Variants in PXK observed in about 807,000 individuals in gnomAD.
PXK encodes the protein PX domain containing serine/threonine kinase like.
Under a neutral mutation model 84.7 loss-of-function variants are expected in PXK, and 35 were observed. The observed-to-expected ratio is 0.41, with a 90% CI of 0.32 to 0.55. The LOEUF (loss-of-function observed/expected upper bound fraction) is 0.55, where lower values mean the gene tolerates loss of function less well. Ranked by LOEUF, PXK falls within the 20% of genes least tolerant of loss-of-function variation. PXK has a pLI of 0.21. For missense variants in PXK, 634 were observed against 699.7 expected, an observed-to-expected ratio of 0.91 and a Z score of 1.06; for synonymous variants, 253 against 260.8, an observed-to-expected ratio of 0.97 and a Z score of 0.29.
At position 58,390,238 on chromosome 3, in the gene PXK, A is replaced by G. The variant is rs146998218; in HGVS notation, c.389-344A>G. ...CAATGATAGTACAGAAAATTGCCATATACTTCTCACCCAGTTTCTCCTAAT... is the reference window on the plus strand; with the variant it reads ...CAATGATAGTACAGAAAATTGCCATGTACTTCTCACCCAGTTTCTCCTAAT... On this transcript the variant is annotated intron_variant, in intron 4 of 17. Coordinates refer to ENST00000356151, the MANE Select transcript of PXK (RefSeq NM_017771.5). This position sits in a 1 kb window ranked among gnomAD's most constrained non-coding sequence, Gnocchi z 4.2. 3.9e-5 allele frequency among the ~76,000 whole-genome samples: 6 copies of G among 152,182 alleles called. No individual in the cohort carries two copies. The highest frequency in any genetic ancestry group is 7.2e-5 in the African/African-American group (3 of 41,542).
chr3:58,404,036 C>T (rs1444408621), intron 13 of PXK, 126 bp downstream of exon 13: 3 of 499,238 alleles, frequency 6.0e-6, no homozygotes, highest in African/African-American at 5.9e-5. Context: ...CCTAAATGTC[C>T]TACAATTAGG....
intron 16 of PXK, 79 bp downstream of exon 16, chr3:58,410,238 A>C: frequency 9.3e-6 from 10 of 1,072,838 alleles, no homozygotes; most frequent in Non-Finnish European, 1.4e-5. Context: ...AGAGGTCTTG[A>C]GTTCTGCTGG....
In PXK at chr3:58,390,021, AAAAC is replaced by A. The variant is rs2098608690; in HGVS notation, c.389-558_389-555del. ...TCTCAAAAAAAAAAAAAAAAAAAAA[AAAAC>A]AATTTAGCCAGGCGTGATGGCCCAT... On this transcript the variant is annotated intron_variant, in intron 4 of 17. Coordinates refer to ENST00000356151, the MANE Select transcript of PXK (RefSeq NM_017771.5). The surrounding 1 kb of genome is among the most constrained non-coding windows in gnomAD (Gnocchi z 4.2). Among the ~76,000 whole-genome samples the A allele has an allele frequency of 1.3e-5, 2 of 150,880 alleles. No individual in the cohort carries two copies. The highest frequency in any genetic ancestry group is 3.0e-5 in the Non-Finnish European group (2 of 67,724).
Position 58,401,553 on chromosome 3 carries a change from G to T in PXK, c.1181+2176G>T, listed in dbSNP as rs1018129790. Among the ~76,000 whole-genome samples, 2 of 152,112 alleles carry T rather than the reference G, an allele frequency of 1.3e-5. No individual in the cohort carries two copies. Among genetic ancestry groups the T allele is most frequent in the African/African-American group, 4.8e-5 (2 of 41,408 alleles). On this transcript the variant is annotated intron_variant, in intron 12 of 17. Transcript: ENST00000356151. The surrounding 1 kb of genome is among the most constrained non-coding windows in gnomAD (Gnocchi z 4.4). ...AGGTGGTAGAATCGCTTGAGCCTAG[G>T]AATTTGAGGTTGCAGTGAGCTGTGA...
rs772509919 is a variant in PXK, at chr3:58,412,995, T to C, written c.1528+32T>C. 2 of 1,609,470 alleles carry C rather than the reference T, an allele frequency of 1.2e-6. No homozygotes were observed. Among genetic ancestry groups the C allele is most frequent in the Non-Finnish European group, 1.7e-6 (2 of 1,175,954 alleles). ...GATGGAGTAAAGTGACATGCCACCTTCCTGTCCGCCAACAGGAGGAGCGGG... is the reference window on the plus strand; with the variant it reads ...GATGGAGTAAAGTGACATGCCACCTCCCTGTCCGCCAACAGGAGGAGCGGG... On this transcript the variant is annotated intron_variant, in intron 17 of 17. Transcript: ENST00000356151. The surrounding 1 kb of genome is among the most constrained non-coding windows in gnomAD (Gnocchi z 6.2).
intron 1 of PXK, among the ~76,000 whole-genome samples, chr3:58,355,854 C>T (rs558668858): frequency 5.3e-5 from 8 of 152,148 alleles, no homozygotes; most frequent in Non-Finnish European, 1.0e-4. Flanking sequence ...AGGACTTCCC[C>T]GGGTTGCCAG....
chr3:58,362,685 A>G (rs2098208119), intron 1 of PXK, among the ~76,000 whole-genome samples: 1 of 152,206 alleles, frequency 6.6e-6, no homozygotes, highest in African/African-American at 2.4e-5. Flanking sequence ...TATTGATGTA[A>G]TAGTCTTGAC....
At chr3:58,405,216 G>C (rs1274363311) in intron 13 of PXK, among the ~76,000 whole-genome samples, 1 of 152,154 alleles carries the variant, frequency 6.6e-6, no homozygotes, top group Non-Finnish European at 1.5e-5. Context: ...ACTTCACTGT[G>C]TATGTGCCCT....
At chr3:58,372,960 A>C (rs767805684) in intron 3 of PXK, among the ~76,000 whole-genome samples, 2 of 152,206 alleles carry the variant, frequency 1.3e-5, no homozygotes, top group Non-Finnish European at 2.9e-5. Flanking sequence ...GAAGGGAAAG[A>C]AGCAGGCTGT....
intron 1 of PXK, among the ~76,000 whole-genome samples, chr3:58,337,930 T>C (rs1474560738): frequency 6.6e-6 from 1 of 152,254 alleles, no homozygotes; most frequent in Non-Finnish European, 1.5e-5. Flanking sequence ...TTAGGAGACA[T>C]TGCTGCTTTC....
Position 58,395,739 on chromosome 3 carries a change from T to C in PXK, c.802T>C (p.Tyr268His), listed in dbSNP as rs375135508. 2 of 1,610,926 alleles carry C rather than the reference T, an allele frequency of 1.2e-6. No individual in the cohort carries two copies. The highest frequency in any genetic ancestry group is 1.7e-6 in the Non-Finnish European group (2 of 1,177,322). Residue 268 changes from tyrosine (Y) to histidine (H), a missense_variant, in exon 9 of 18, where the codon TAT (tyrosine) becomes CAT (histidine). Physicochemically the swap from Tyr to His is moderately conservative, Grantham distance 83. This residue lies in a region of PXK where 353 missense variants were observed against 385.2 expected (regional missense o/e 0.92). Transcript: ENST00000356151. Reference protein sequence around the residue: ...QGLELQQIKTYGRQILEVLKF... With the variant: ...QGLELQQIKTHGRQILEVLKF... ...CCTGGAACTCCAGCAAATAAAAACA[T>C]ATGGACGGCAAATATTAGAGGTAAG...
intron 1 of PXK, among the ~76,000 whole-genome samples, chr3:58,360,731 T>A (rs1321812295): frequency 1.3e-5 from 2 of 150,980 alleles, no homozygotes. Context: ...ACTTGGGAGG[T>A]TGAGGCAGGA....
chr3:58,378,506 T>TGTGTG (rs1217085532), intron 3 of PXK, among the ~76,000 whole-genome samples: 24 of 66,474 alleles, frequency 3.6e-4, no homozygotes, highest in African/African-American at 1.2e-3. Context: ...TTTTTTTTTT[T>TGTGTG]TTTTTTTGTG....
At chr3:58,340,285 G>A (rs983641339) in intron 1 of PXK, among the ~76,000 whole-genome samples, 1 of 150,848 alleles carries the variant, frequency 6.6e-6, no homozygotes, top group African/African-American at 2.4e-5. Context: ...ACAATACCTG[G>A]CTAATTTTTA....
At chr3:58,394,708 G>A (rs1291088077) in intron 7 of PXK, among the ~76,000 whole-genome samples, 1 of 152,176 alleles carries the variant, frequency 6.6e-6, no homozygotes, top group African/African-American at 2.4e-5. Flanking sequence ...CCTGAGCTAT[G>A]AGAGTGCACA....
chr3:58,415,854 A>G (rs2060874501), intron 17 of PXK, among the ~76,000 whole-genome samples: 1 of 152,246 alleles, frequency 6.6e-6, no homozygotes, highest in Non-Finnish European at 1.5e-5. Flanking sequence ...AGGCAAAATT[A>G]TAAATCAGTA....
intron 3 of PXK, among the ~76,000 whole-genome samples, chr3:58,378,889 G>A (rs577105587): frequency 1.3e-5 from 2 of 151,402 alleles, no homozygotes; most frequent in Non-Finnish European, 2.9e-5. Context: ...TCAGATATTA[G>A]CATATATATT....
At chr3:58,392,220 G>A (rs907894767) in intron 7 of PXK, among the ~76,000 whole-genome samples, 5 of 152,120 alleles carry the variant, frequency 3.3e-5, no homozygotes, top group African/African-American at 1.2e-4. Context: ...GCTGGGTGAA[G>A]AAAAGGCAAA....
chr3:58,397,164 C>T lies in PXK; in HGVS notation c.948C>T (p.Phe316=), dbSNP rs943044176. The change falls in exon 10 of 18, where the codon TTC becomes TTT. Residue 316 remains phenylalanine, a synonymous_variant. Transcript: ENST00000356151. The surrounding 1 kb of genome is among the most constrained non-coding windows in gnomAD (Gnocchi z 4.7). ...LENSLLGLPS[F]YRSYFSQFRK... ...ATTCCTTATTGGGCCTGCCTTCCTTCTACCGATCTTATTTTTCACAATTCA... is the reference window on the plus strand; with the variant it reads ...ATTCCTTATTGGGCCTGCCTTCCTTTTACCGATCTTATTTTTCACAATTCA... The T allele has an allele frequency of 6.2e-7, 1 of 1,614,196 alleles. No homozygotes were observed. Among genetic ancestry groups the T allele is most frequent in the South Asian group, 1.1e-5 (1 of 91,080 alleles).
Sources: gnomAD v4.1 joint callset for allele counts (sites outside exome capture counted in the v4.1 genomes callset) on GRCh38, gnomAD v4.1.1 for gene constraint, gnomAD v4.1.1 regional missense constraint, Gnocchi (gnomAD v3.1) non-coding constraint, MANE v1.5 for transcripts, NCBI Gene and HGNC (gene_info 2026-07-23, HGNC 2026-07-21) for gene names.